Variants in WDSUB1 observed in about 807,000 individuals in gnomAD.
WDSUB1 encodes the protein WD repeat, sterile alpha motif and U-box domain containing 1, also known as WD repeat, SAM and U-box domain-containing protein 1.
A neutral mutation model predicts 53.9 loss-of-function variants in WDSUB1; 49 were observed. That is an observed-to-expected ratio of 0.91 (90% CI 0.72 to 1.15). The LOEUF (loss-of-function observed/expected upper bound fraction) is 1.15. WDSUB1 is among the 50% of genes most tolerant of loss of function. The pLI is 0.00. For missense variants in WDSUB1, 514 were observed against 562.0 expected, an observed-to-expected ratio of 0.91 and a Z score of 0.86; for synonymous variants, 194 against 200.6, an observed-to-expected ratio of 0.97 and a Z score of 0.28.
chr2:159,255,960 AAAG>A (rs567998868), intron 9 of WDSUB1, among the ~76,000 whole-genome samples: 428 of 152,340 alleles, frequency 2.8e-3, no homozygotes, highest in African/African-American at 9.8e-3. Context: ...ACATTTCTCC[AAAG>A]AAGATATATA....
At chr2:159,263,379 G>A (rs2061266510) in intron 5 of WDSUB1, among the ~76,000 whole-genome samples, 1 of 152,196 alleles carries the variant, frequency 6.6e-6, no homozygotes. Context: ...AAAGTTATGT[G>A]AAGAACCTGA....
At chr2:159,239,798 A>C (rs1030833572) in intron 10 of WDSUB1, among the ~76,000 whole-genome samples, 11 of 152,082 alleles carry the variant, frequency 7.2e-5, no homozygotes, top group African/African-American at 2.4e-4. Flanking sequence ...ACTTTTGCCT[A>C]CTTACAAATT....
intron 9 of WDSUB1, among the ~76,000 whole-genome samples, chr2:159,254,266 T>C (rs930175076): frequency 3.3e-5 from 5 of 152,222 alleles, no homozygotes; most frequent in Admixed American, 6.5e-5. Context: ...CCTACAAGAA[T>C]GTCTTATTCT....
intron 10 of WDSUB1, among the ~76,000 whole-genome samples, chr2:159,246,894 G>A (rs2060810164): frequency 6.6e-6 from 1 of 152,174 alleles, no homozygotes; most frequent in Admixed American, 6.5e-5. Flanking sequence ...GCAGCCAGAA[G>A]GAAATGTTGG....
chr2:159,244,990 A>G (rs974418633), intron 10 of WDSUB1, among the ~76,000 whole-genome samples: 6 of 152,330 alleles, frequency 3.9e-5, no homozygotes, highest in African/African-American at 7.2e-5. Context: ...TTTTGACAAA[A>G]TGTGCAAAAC....
At chr2:159,271,614 G>C in intron 5 of WDSUB1, 88 bp downstream of exon 5, 1 of 1,135,106 alleles carries the variant, frequency 8.8e-7, no homozygotes, top group South Asian at 1.3e-5. Flanking sequence ...GGCTCATCAA[G>C]CTATTCTTTG....
intron 10 of WDSUB1, 56 bp from the exon 11 acceptor site, chr2:159,236,246 C>T: frequency 6.5e-7 from 1 of 1,529,690 alleles, no homozygotes; most frequent in Non-Finnish European, 8.8e-7. Flanking sequence ...ATGAGGATGT[C>T]TAAAATGAAG....
At chr2:159,271,629 T>C (rs2061445022) in intron 5 of WDSUB1, 73 bp downstream of exon 5, 1 of 1,277,796 alleles carries the variant, frequency 7.8e-7, no homozygotes, top group South Asian at 1.2e-5. Flanking sequence ...TCTTTGAGGT[T>C]TCATGTACTT....
At chr2:159,282,116 T>C (rs901248542) in intron 2 of WDSUB1, among the ~76,000 whole-genome samples, 4 of 152,248 alleles carry the variant, frequency 2.6e-5, no homozygotes, top group East Asian at 1.9e-4. Context: ...AATTTTAAGA[T>C]TGGCGCTAAG....
intron 9 of WDSUB1, among the ~76,000 whole-genome samples, chr2:159,253,224 T>C (rs2060988117): frequency 6.6e-6 from 1 of 152,250 alleles, no homozygotes; most frequent in Non-Finnish European, 1.5e-5. Context: ...CACAAATTCA[T>C]AGCAAATGTC....
chr2:159,241,656 A>G (rs1423063784), intron 10 of WDSUB1, among the ~76,000 whole-genome samples: 1 of 147,906 alleles, frequency 6.8e-6, no homozygotes, highest in Non-Finnish European at 1.5e-5. Flanking sequence ...AGCAGTGCCT[A>G]TCAGTATTAG....
In WDSUB1 at chr2:159,259,860, T is replaced by C; in HGVS notation, c.771-17A>G. On this transcript the variant is annotated splice_polypyrimidine_tract_variant and intron_variant, in intron 5 of 10. Transcript: ENST00000359774. ...TCCACTGACCTTAAAAGAAAATAAA[T>C]TATAGGTGAAAAGTTCTATAAAAAC... The C allele has an allele frequency of 6.6e-7, 1 of 1,505,328 alleles. No homozygotes were observed. The highest frequency in any genetic ancestry group is 9.0e-7 in the Non-Finnish European group (1 of 1,110,048). 93.2% of individuals were successfully genotyped at this position (1,505,328 alleles called of 1,614,324 possible). A position where few individuals can be genotyped will look rare whatever the true frequency, so the allele number is the denominator to read the frequency against.
chr2:159,238,885 G>A (rs2060563017), intron 10 of WDSUB1, among the ~76,000 whole-genome samples: 1 of 151,990 alleles, frequency 6.6e-6, no homozygotes, highest in Non-Finnish European at 1.5e-5. Flanking sequence ...ATATCCCGCA[G>A]CCACTGAGTC....
intron 3 of WDSUB1, 130 bp downstream of exon 3, chr2:159,279,631 A>AC (rs1242622560): frequency 1.4e-6 from 1 of 701,730 alleles, no homozygotes; most frequent in African/African-American, 1.8e-5. Context: ...TAATCCCTTT[A>AC]CAGGAATAAA....
At chr2:159,261,915 TTTTTTTTTTTTTTTA>T in intron 5 of WDSUB1, among the ~76,000 whole-genome samples, 1 of 92,988 alleles carries the variant, frequency 1.1e-5, no homozygotes, top group Non-Finnish European at 2.3e-5. Context: ...TTTTTTTTTT[TTTTTTTTTTTTTTTA>T]AATAAATGAA....
intron 10 of WDSUB1, among the ~76,000 whole-genome samples, chr2:159,247,823 A>G (rs917696388): frequency 6.9e-6 from 1 of 145,170 alleles, no homozygotes; most frequent in African/African-American, 2.5e-5. Flanking sequence ...CTCCAGACAA[A>G]GTCAACATAG....
chr2:159,269,814 C>A (rs1276698453), intron 5 of WDSUB1, among the ~76,000 whole-genome samples: 1 of 151,930 alleles, frequency 6.6e-6, no homozygotes, highest in African/African-American at 2.4e-5. Flanking sequence ...AATACAATAC[C>A]CTTGCATGAT....
At chr2:159,255,476 T>C (rs1229403782) in intron 9 of WDSUB1, among the ~76,000 whole-genome samples, 1 of 149,834 alleles carries the variant, frequency 6.7e-6, no homozygotes, top group African/African-American at 2.5e-5. Context: ...CAAAAATAAA[T>C]AAATAAAATA....
At position 159,271,776 on chromosome 2, in the gene WDSUB1, T is replaced by C; in HGVS notation, c.696A>G (p.Lys232=). 1 of 1,613,944 alleles carries C rather than the reference T, an allele frequency of 6.2e-7. No individual in the cohort carries two copies. Among genetic ancestry groups the C allele is most frequent in the Non-Finnish European group, 8.5e-7 (1 of 1,179,898 alleles). The part of the protein sequence containing the change: ...THILGFELKY[K]STLSGHCAPV... The stretch of plus-strand genomic sequence containing the variant: ...GAGCACAGTGCCCACTCAGTGTACT[T>C]TTATATTTTAATTCAAAACCTGCAA... The change falls in exon 5 of 11, where the codon AAA becomes AAG. Residue 232 remains lysine, a synonymous_variant. Coordinates refer to ENST00000359774, the MANE Select transcript of WDSUB1 (RefSeq NM_001128212.3).
Sources: allele counts gnomAD v4.1 joint callset (sites outside exome capture counted in the v4.1 genomes callset), GRCh38; gene constraint gnomAD v4.1.1; transcripts MANE v1.5; gene names NCBI Gene and HGNC (gene_info 2026-07-23, HGNC 2026-07-21).